Variants in IL18BP observed in about 807,000 individuals in gnomAD.
The protein encoded by IL18BP is interleukin 18 binding protein.
A neutral mutation model predicts 19.9 loss-of-function variants in IL18BP; 23 were observed. The ratio of observed to expected loss-of-function variants is 1.15; its 90% CI spans 0.83 to 1.64. The LOEUF is 1.64. IL18BP is among the 40% of genes most tolerant of loss of function. The probability of loss-of-function intolerance (pLI) is 0.00; values close to 1 mark genes in which losing one functional copy is unlikely to be tolerated. For missense variants in IL18BP, 239 were observed against 240.7 expected (o/e 0.99, Z 0.05); for synonymous variants, 107 against 101.0 (o/e 1.06, Z -0.35).
downstream of IL18BP, chr11:72,004,840 A>C (rs750857978): frequency 1.3e-6 from 2 of 1,547,046 alleles, no homozygotes; most frequent in Non-Finnish European, 1.7e-6. Context: ...AGAGGTGGTC[A>C]GTGGACCATA....
downstream of IL18BP, chr11:72,007,687 C>T (rs918930409): frequency 1.8e-6 from 1 of 541,046 alleles, no homozygotes; most frequent in Non-Finnish European, 3.3e-6. Flanking sequence ...CCACCAGATG[C>T]CCATGGCTGC....
intron 1 of IL18BP, chr11:71,999,448 T>C (rs1417792033): frequency 4.4e-6 from 1 of 228,714 alleles, no homozygotes; most frequent in African/African-American, 2.3e-5. Context: ...CAGTCTGGTA[T>C]CCTCTGGAGA....
downstream of IL18BP, chr11:72,007,222 G>A: frequency 1.2e-6 from 2 of 1,611,912 alleles, no homozygotes; most frequent in Non-Finnish European, 8.5e-7. Context: ...TCTGCGTGGT[G>A]CGCCGACGAG....
At chr11:72,005,973 TG>T, downstream of IL18BP, 1 of 1,349,396 alleles carries the variant, frequency 7.4e-7, no homozygotes, top group Non-Finnish European at 1.0e-6. Context: ...CTCTTTTCCC[TG>T]TGCCACGATC....
rs1330928908 is a variant in IL18BP at position 72,000,516 on chromosome 11, C to T, written c.194C>T (p.Pro65Leu). The change falls in exon 3 of 6, where the codon CCA becomes CTA. Residue 65 changes from proline (P) to leucine (L), a missense_variant. Transcript: ENST00000393703. Reference protein sequence around the residue: ...PPVFPAAKQCPALEVTWPEVE... With the variant: ...PPVFPAAKQCLALEVTWPEVE... Reference sequence around the variant, plus strand: ...GTGTTCCCAGCAGCTAAGCAGTGTCCAGCATTGGAAGTGACCTGGCCAGAG... The same window carrying T: ...GTGTTCCCAGCAGCTAAGCAGTGTCTAGCATTGGAAGTGACCTGGCCAGAG... The T allele has an allele frequency of 1.5e-5, 24 of 1,613,422 alleles. No homozygotes were observed. Among genetic ancestry groups the T allele is most frequent in the Non-Finnish European group, 1.7e-5 (20 of 1,180,038 alleles).
chr11:72,007,357 G>T (rs756937216), downstream of IL18BP: 8 of 1,613,672 alleles, frequency 5.0e-6, no homozygotes, highest in Middle Eastern at 5.0e-4. Context: ...ATTCTACCTT[G>T]GGGGGCAGGC....
downstream of IL18BP, chr11:72,005,190 AG>A: frequency 6.6e-7 from 1 of 1,526,160 alleles, no homozygotes; most frequent in East Asian, 2.5e-5. Flanking sequence ...ATTCCAAGGG[AG>A]GGCAGGGATG....
chr11:72,005,351 A>G (rs770824443), downstream of IL18BP: 2 of 1,607,564 alleles, frequency 1.2e-6, no homozygotes, highest in African/African-American at 1.3e-5. Flanking sequence ...GCAAGTGCCC[A>G]TGTAGAAGCT....
chr11:72,005,158 T>C (rs537280686), downstream of IL18BP: 28 of 1,450,430 alleles, frequency 1.9e-5, no homozygotes, highest in South Asian at 3.7e-4. Flanking sequence ...GCCCTAGTGC[T>C]CAGGCTAGAT....
intron 2 of IL18BP, 94 bp downstream of exon 2, chr11:72,000,106 C>A: frequency 7.3e-7 from 1 of 1,370,676 alleles, no homozygotes; most frequent in Non-Finnish European, 1.0e-6. Context: ...CACTCCAAGG[C>A]AAACCACCCA....
chr11:72,007,476 A>G, downstream of IL18BP: 1 of 1,606,684 alleles, frequency 6.2e-7, no homozygotes, highest in Non-Finnish European at 8.5e-7. Flanking sequence ...CCTTCACGCT[A>G]GAAGGCATTT....
downstream of IL18BP, chr11:72,004,115 G>T (rs760822373): frequency 1.2e-6 from 2 of 1,612,868 alleles, no homozygotes; most frequent in Non-Finnish European, 1.7e-6. Flanking sequence ...AGGAAGGGCT[G>T]TCAGACCGGG....
chr11:71,999,253 T>C (rs984563629), intron 1 of IL18BP: 7 of 446,152 alleles, frequency 1.6e-5, no homozygotes, highest in South Asian at 1.1e-4. Context: ...TCCCCTTGAA[T>C]GTCAGTGTGA....
downstream of IL18BP, chr11:72,004,654 G>T: frequency 6.2e-7 from 1 of 1,612,706 alleles, no homozygotes; most frequent in African/African-American, 1.3e-5. Flanking sequence ...GGAGTTCCAG[G>T]GCCCTGGTGG....
At chr11:72,000,627 G>A (rs1308410351) in intron 3 of IL18BP, 70 bp downstream of exon 3, 14 of 1,314,694 alleles carry the variant, frequency 1.1e-5, no homozygotes, top group African/African-American at 4.3e-5. Flanking sequence ...ACTCCTGAGC[G>A]CCAGTCCCCT....
downstream of IL18BP, chr11:72,006,290 G>A: frequency 6.3e-7 from 1 of 1,596,758 alleles, no homozygotes; most frequent in Non-Finnish European, 8.6e-7. Context: ...ATCTGTTGCA[G>A]TGTACAGTCC....
intron 3 of IL18BP, 88 bp from the exon 4 acceptor site, chr11:72,001,113 T>C: frequency 6.5e-7 from 1 of 1,529,426 alleles, no homozygotes; most frequent in Non-Finnish European, 9.0e-7. Context: ...GCATGGGGAC[T>C]GGGGGGAGCT....
At chr11:72,003,548 A>T (rs1227300150), downstream of IL18BP, 1 of 1,614,020 alleles carries the variant, frequency 6.2e-7, no homozygotes, top group Non-Finnish European at 8.5e-7. Flanking sequence ...CCTGAAAGAG[A>T]CACAGTCACA....
At chr11:72,000,596 G>T in intron 3 of IL18BP, 39 bp downstream of exon 3, 1 of 1,565,080 alleles carries the variant, frequency 6.4e-7, no homozygotes. Context: ...TATGGGCACA[G>T]AGGTTCCCAG....
Sources: allele counts gnomAD v4.1 joint callset, GRCh38; gene constraint gnomAD v4.1.1; transcripts MANE v1.5; gene names NCBI Gene and HGNC (gene_info 2026-07-23, HGNC 2026-07-21).